NCKAP5: variants seen among roughly 807,000 people sequenced by gnomAD.
The protein encoded by NCKAP5 is NCK associated protein 5, also known as nck-associated protein 5.
NCKAP5 carries 92 observed loss-of-function variants against 167.0 expected under a neutral mutation model. That is an observed-to-expected ratio of 0.55 (90% CI 0.47 to 0.66). The LOEUF is 0.66. Ranked by LOEUF, NCKAP5 falls within the 30% of genes least tolerant of loss-of-function variation. The pLI, the probability that NCKAP5 is intolerant of heterozygous loss-of-function variation, is 0.00. For synonymous variants in NCKAP5, 891 were observed against 877.4 expected (o/e 1.02, Z -0.27); for missense variants, 2,378 against 2,315.0 (o/e 1.03, Z -0.56).
chr2:132,683,488 G>A (rs1685520033), intron 19 of NCKAP5, among the ~76,000 whole-genome samples: 1 of 152,156 alleles, frequency 6.6e-6, no homozygotes. Context: ...GCTTTCTCCT[G>A]CACCTCTAGG....
chr2:133,056,265 T>C (rs137917673), intron 6 of NCKAP5, among the ~76,000 whole-genome samples: 1 of 152,290 alleles, frequency 6.6e-6, no homozygotes, highest in East Asian at 1.9e-4. Context: ...ATCCTCTTCC[T>C]AAATTCCAAC....
At chr2:132,794,261 T>TAG (rs1558788112) in intron 12 of NCKAP5, among the ~76,000 whole-genome samples, 6 of 23,502 alleles carry the variant, frequency 2.6e-4, no homozygotes, top group Non-Finnish European at 3.2e-4. Flanking sequence ...TATATATATA[T>TAG]ATAGAGAGAG....
chr2:133,278,782 C>CAAAA (rs59725110), intron 4 of NCKAP5, among the ~76,000 whole-genome samples: 31 of 94,110 alleles, frequency 3.3e-4, no homozygotes, highest in African/African-American at 5.1e-4. Context: ...CCCTAAACTA[C>CAAAA]AAAAAAAAAA....
At chr2:133,292,685 G>A (rs765485252) in intron 4 of NCKAP5, among the ~76,000 whole-genome samples, 2 of 152,146 alleles carry the variant, frequency 1.3e-5, no homozygotes, top group African/African-American at 4.8e-5. Flanking sequence ...AGTGTTTCTT[G>A]AAGAATATAA....
chr2:132,867,535 G>A (rs1350757785), intron 10 of NCKAP5, among the ~76,000 whole-genome samples: 1 of 152,134 alleles, frequency 6.6e-6, no homozygotes, highest in Non-Finnish European at 1.5e-5. Context: ...ATGTATGAAA[G>A]CTTTTGGAAG....
intron 4 of NCKAP5, among the ~76,000 whole-genome samples, chr2:133,233,729 G>A (rs1439798377): frequency 6.6e-6 from 1 of 152,144 alleles, no homozygotes; most frequent in African/African-American, 2.4e-5. Flanking sequence ...TCACTGTGTA[G>A]CTGCTACTAT....
intron 11 of NCKAP5, among the ~76,000 whole-genome samples, chr2:132,812,248 CT>C (rs1685936405): frequency 6.6e-6 from 1 of 152,190 alleles, no homozygotes; most frequent in Admixed American, 6.5e-5. Flanking sequence ...CGCATGCTGC[CT>C]TGTCTGGAGC....
At chr2:133,144,853 G>A (rs1232184405) in intron 5 of NCKAP5, among the ~76,000 whole-genome samples, 3 of 152,058 alleles carry the variant, frequency 2.0e-5, no homozygotes, top group African/African-American at 4.8e-5. Flanking sequence ...GCAGTCACTC[G>A]CTGCCGTGTT....
rs1290976228 is a variant in NCKAP5 at position 132,963,532 on chromosome 2, T to C, written c.579+188A>G. On this transcript the variant is annotated intron_variant, in intron 8 of 19. Coordinates refer to ENST00000409261, the MANE Select transcript of NCKAP5 (RefSeq NM_207363.3). The stretch of plus-strand genomic sequence containing the variant: ...CCTATGTACTCCTTTTAAAACAACA[T>C]TAGGTCAAGACCCTTTCAGTGCTAA... Among the ~76,000 whole-genome samples, 5 of 152,134 alleles carry C rather than the reference T, an allele frequency of 3.3e-5. No homozygotes were observed. In the East Asian group the frequency reaches 7.7e-4, roughly 23 times the overall value.
intron 3 of NCKAP5, among the ~76,000 whole-genome samples, chr2:133,424,503 G>C (rs939159703): frequency 1.3e-5 from 2 of 152,174 alleles, no homozygotes; most frequent in Non-Finnish European, 2.9e-5. Context: ...ATCATTTGTA[G>C]CCAGGCTTAA....
chr2:133,102,420 T>C (rs1342853342), intron 6 of NCKAP5, among the ~76,000 whole-genome samples: 3 of 152,186 alleles, frequency 2.0e-5, no homozygotes, highest in Non-Finnish European at 4.4e-5. Flanking sequence ...GTGCTGGGAT[T>C]ACAGGCATGA....
intron 3 of NCKAP5, among the ~76,000 whole-genome samples, chr2:133,495,210 T>A (rs570460849): frequency 6.6e-6 from 1 of 152,178 alleles, no homozygotes; most frequent in Non-Finnish European, 1.5e-5. Context: ...ATAAAATGTA[T>A]AAAACCAAGC....
chr2:133,139,163 T>C (rs534536330), intron 5 of NCKAP5, among the ~76,000 whole-genome samples: 12 of 152,202 alleles, frequency 7.9e-5, no homozygotes, highest in Non-Finnish European at 1.6e-4. Flanking sequence ...GTGTCTCTTC[T>C]AATCATTGGA....
intron 6 of NCKAP5, among the ~76,000 whole-genome samples, chr2:133,083,456 T>C (rs66590303): frequency 0.042 from 6,469 of 152,274 alleles, 174 homozygotes; most frequent in Non-Finnish European, 0.064. Flanking sequence ...GACACAAGAC[T>C]TAACAGTTGG....
intron 11 of NCKAP5, among the ~76,000 whole-genome samples, chr2:132,832,075 T>C (rs17397858): frequency 0.16 from 24,907 of 152,178 alleles, 2,253 homozygotes; most frequent in Middle Eastern, 0.34. Flanking sequence ...ATAATTTGTT[T>C]TGAAATTTGG....
chr2:133,523,625 T>A (rs1032524434), intron 2 of NCKAP5, among the ~76,000 whole-genome samples: 1 of 152,196 alleles, frequency 6.6e-6, no homozygotes, highest in African/African-American at 2.4e-5. Flanking sequence ...CCCAGCAAGC[T>A]TTTCCACATC....
In NCKAP5 at chr2:133,542,607, C is replaced by T. The variant is rs76674387; in HGVS notation, c.-62+16443G>A. On this transcript the variant is annotated intron_variant, in intron 2 of 19. Transcript: ENST00000409261. ...TCGCAGTTCTCCTTTCCTCCCTGCT[C>T]ACATAACCAGCAGTGGCTCCAGTGT... Among the ~76,000 whole-genome samples, 5 of 152,292 alleles carry T rather than the reference C, an allele frequency of 3.3e-5. No individual in the cohort carries two copies. The East Asian group carries it at 7.7e-4, about 24-fold the overall frequency.
intron 16 of NCKAP5, among the ~76,000 whole-genome samples, chr2:132,771,323 T>C (rs965400116): frequency 1.3e-5 from 2 of 152,118 alleles, no homozygotes; most frequent in Non-Finnish European, 2.9e-5. Flanking sequence ...GGAAAAAAAA[T>C]TTTTAATAGA....
intron 3 of NCKAP5, among the ~76,000 whole-genome samples, chr2:133,325,903 C>T (rs982715750): frequency 6.6e-6 from 1 of 152,198 alleles, no homozygotes; most frequent in Non-Finnish European, 1.5e-5. Context: ...CTTAAAAATG[C>T]TTGCAATGTT....
Sources: gnomAD v4.1 joint callset for allele counts (sites outside exome capture counted in the v4.1 genomes callset) on GRCh38, gnomAD v4.1.1 for gene constraint, MANE v1.5 for transcripts, NCBI Gene and HGNC (gene_info 2026-07-23, HGNC 2026-07-21) for gene names.